Variants in SLC39A5 observed in about 807,000 individuals in gnomAD.
SLC39A5 encodes the protein solute carrier family 39 member 5, also known as zinc transporter ZIP5.
Under a neutral mutation model 46.9 loss-of-function variants are expected in SLC39A5, and 42 were observed. The ratio of observed to expected loss-of-function variants is 0.90; its 90% CI spans 0.70 to 1.16. The LOEUF (loss-of-function observed/expected upper bound fraction) is 1.16. Among genes scored for constraint, SLC39A5 ranks in the 50% most tolerant of loss-of-function variants. The probability of loss-of-function intolerance (pLI) is 0.00; values close to 1 mark genes in which losing one functional copy is unlikely to be tolerated. For missense variants in SLC39A5, 677 were observed against 686.8 expected, an observed-to-expected ratio of 0.99 and a Z score of 0.16; for synonymous variants, 311 against 323.1, an observed-to-expected ratio of 0.96 and a Z score of 0.40.
At position 56,236,667 on chromosome 12, in the gene SLC39A5, G is replaced by A. The variant is rs1186880143; in HGVS notation, c.1128G>A (p.Gly376=). ...APPGHQGHSH[G]HQGGTDITWM... is the part of the protein sequence containing the mutation. ...CTGGGCACCAAGGCCACAGTCATGG[G>A]CACCAGGGTGGCACTGATATCACGT... The change falls in exon 10 of 13, where the codon GGG becomes GGA. Residue 376 remains glycine (G), a synonymous_variant. Coordinates refer to ENST00000454355, the MANE Select transcript of SLC39A5 (RefSeq NM_173596.3). 2 of 1,613,602 alleles carry A rather than the reference G, an allele frequency of 1.2e-6. No homozygotes were observed. Among genetic ancestry groups the A allele is most frequent in the African/African-American group, 2.7e-5 (2 of 74,938 alleles).
rs1870983483 is a variant in SLC39A5, at chr12:56,237,844, A to G, written c.*113A>G. On this transcript the variant is annotated 3_prime_UTR_variant, in exon 13 of 13. Coordinates refer to ENST00000454355, the MANE Select transcript of SLC39A5 (RefSeq NM_173596.3). ...GATTTTAATAAACAGAACCCATCCC[A>G]AAGCCATGACTACGACAGTTGTACT... 4 of 1,279,468 alleles carry G rather than the reference A, an allele frequency of 3.1e-6. No homozygotes were observed. The East Asian group carries it at 7.9e-5, about 25-fold the overall frequency. The allele number at this position is 1,279,468 out of a possible 1,614,324, so 79.3% of individuals were successfully genotyped here.
chr12:56,233,487 A>T (rs1360775937), intron 5 of SLC39A5, among the ~76,000 whole-genome samples: 3 of 151,854 alleles, frequency 2.0e-5, no homozygotes, highest in South Asian at 2.1e-4. Context: ...ATAAAAAAAA[A>T]ATATCTCACT....
At chr12:56,233,148 A>C (rs904346882) in intron 5 of SLC39A5, among the ~76,000 whole-genome samples, 9 of 151,808 alleles carry the variant, frequency 5.9e-5, no homozygotes, top group Non-Finnish European at 1.5e-5. Context: ...GTGTAATCCT[A>C]GCTACTCAGG....
At chr12:56,236,841 G>C in intron 10 of SLC39A5, 90 bp from the exon 11 acceptor site, 1 of 1,587,618 alleles carries the variant, frequency 6.3e-7, no homozygotes. Context: ...AGGAAGATGG[G>C]GAGAGGACGG....
intron 7 of SLC39A5, 62 bp downstream of exon 7, chr12:56,235,388 G>A: frequency 1.3e-6 from 2 of 1,505,676 alleles, no homozygotes; most frequent in Non-Finnish European, 1.8e-6. Context: ...CCCAGCCATA[G>A]GACATCCCCT....
chr12:56,232,895 G>A, intron 5 of SLC39A5, 23 bp downstream of exon 5: 2 of 1,591,254 alleles, frequency 1.3e-6, no homozygotes, highest in Non-Finnish European at 1.7e-6. Context: ...GTCTCTAGAG[G>A]GGAAGGAGCC....
At chr12:56,231,797 C>T (rs972668650) in intron 4 of SLC39A5, among the ~76,000 whole-genome samples, 1 of 152,190 alleles carries the variant, frequency 6.6e-6, no homozygotes, top group Non-Finnish European at 1.5e-5. Flanking sequence ...ACATTCACGG[C>T]TCACTGCAAC....
Position 56,236,688 on chromosome 12 carries a change from C to A in SLC39A5, c.1149C>A (p.Ile383=), listed in dbSNP as rs761033500. 1.2e-6 allele frequency: 2 copies of A among 1,613,094 alleles called. No homozygotes were observed. The highest frequency in any genetic ancestry group is 2.2e-5 in the South Asian group (2 of 90,990). The change falls in exon 10 of 13, where the codon ATC becomes ATA. Residue 383 remains isoleucine, a synonymous_variant. Transcript: ENST00000454355. ...HSHGHQGGTD[I]TWMVLLGDGL... ...ATGGGCACCAGGGTGGCACTGATAT[C>A]ACGTGGATGGTCCTCCTGGGAGATG...
At chr12:56,234,522 C>T (rs1278525793) in intron 5 of SLC39A5, among the ~76,000 whole-genome samples, 1 of 151,984 alleles carries the variant, frequency 6.6e-6, no homozygotes, top group South Asian at 2.1e-4. Flanking sequence ...ACCATGTTGC[C>T]CAGGCTGGTC....
At chr12:56,232,654 C>A (rs375178502) in intron 4 of SLC39A5, 35 bp from the exon 5 acceptor site, 1 of 1,563,876 alleles carries the variant, frequency 6.4e-7, no homozygotes, top group South Asian at 1.2e-5. Flanking sequence ...ATAGAGAACA[C>A]AAGGGAGGCT....
Position 56,231,297 on chromosome 12 carries a change from A to G in SLC39A5, c.23A>G (p.His8Arg), listed in dbSNP as rs145025351. The G allele has an allele frequency of 4.1e-5, 66 of 1,610,296 alleles. No homozygotes were observed. In the African/African-American group the frequency reaches 8.3e-4, roughly 20 times the overall value. MMGSPVSHLLAGFCVWVV... is the reference protein window; with the variant it reads MMGSPVSRLLAGFCVWVV... ...CCAATGATGGGGTCCCCAGTGAGTCATCTGCTGGCCGGCTTCTGTGTGTGG... is the reference window on the plus strand; with the variant it reads ...CCAATGATGGGGTCCCCAGTGAGTCGTCTGCTGGCCGGCTTCTGTGTGTGG... Residue 8 changes from histidine to arginine, a missense_variant, in exon 4 of 13, where the codon CAT (histidine) becomes CGT (arginine). Coordinates refer to ENST00000454355, the MANE Select transcript of SLC39A5 (RefSeq NM_173596.3).
intron 4 of SLC39A5, 91 bp downstream of exon 4, chr12:56,231,652 G>A: frequency 7.4e-7 from 1 of 1,359,820 alleles, no homozygotes; most frequent in South Asian, 1.6e-5. Flanking sequence ...TTCCTCACGA[G>A]ATCCCTGGAG....
At chr12:56,233,594 G>A (rs1011460803) in intron 5 of SLC39A5, among the ~76,000 whole-genome samples, 9 of 152,202 alleles carry the variant, frequency 5.9e-5, no homozygotes, top group Admixed American at 5.9e-4. Context: ...CAGTTTAGGG[G>A]AATAGATGGC....
In SLC39A5 at chr12:56,237,735, G is replaced by A. The variant is rs1870973092; in HGVS notation, c.*4G>A. On this transcript the variant is annotated 3_prime_UTR_variant, in exon 13 of 13. Coordinates refer to ENST00000454355, the MANE Select transcript of SLC39A5 (RefSeq NM_173596.3). Reference sequence around the variant, plus strand: ...GCCCGTGACCACTGAGGGCTGATGGGGCCAGTGGAAAGGGGTCGGGTTGCC... The same window carrying A: ...GCCCGTGACCACTGAGGGCTGATGGAGCCAGTGGAAAGGGGTCGGGTTGCC... The A allele has an allele frequency of 6.5e-7, 1 of 1,535,790 alleles. No homozygotes were observed. Among genetic ancestry groups the A allele is most frequent in the African/African-American group, 1.4e-5 (1 of 72,048 alleles).
chr12:56,235,573 G>T lies in SLC39A5; in HGVS notation c.818G>T (p.Arg273Leu). Reference protein sequence around the residue: ...LHLLPHAQEGRHAGPGGLPEK... With the variant: ...LHLLPHAQEGLHAGPGGLPEK... ...TCTCTCTGTCAGGCACAAGAAGGGC[G>T]GCACGCAGGACCTGGCGGACTACCA... Residue 273 changes from arginine (R) to leucine (L), a missense_variant, in exon 8 of 13, where the codon CGG becomes CTG. By Grantham distance (102) the Arg-to-Leu change is moderately radical (BLOSUM62 -2). Coordinates refer to ENST00000454355, the MANE Select transcript of SLC39A5 (RefSeq NM_173596.3). The T allele has an allele frequency of 6.2e-7, 1 of 1,613,950 alleles. No homozygotes were observed. Among genetic ancestry groups the T allele is most frequent in the Non-Finnish European group, 8.5e-7 (1 of 1,179,974 alleles).
At chr12:56,230,519 G>A (rs1184624959) in intron 2 of SLC39A5, 1 of 152,188 alleles carries the variant, frequency 6.6e-6, no homozygotes, top group Non-Finnish European at 1.5e-5. Context: ...GTTAAGGATA[G>A]GGTGAATTAT....
chr12:56,237,311 G>A lies in SLC39A5; in HGVS notation c.1450G>A (p.Val484Ile). The A allele has an allele frequency of 6.2e-7, 1 of 1,607,678 alleles. No homozygotes were observed. The highest frequency in any genetic ancestry group is 8.5e-7 in the Non-Finnish European group (1 of 1,176,686). Residue 484 changes from valine (V) to isoleucine (I), a missense_variant, in exon 12 of 13, where the codon GTC becomes ATC. Physicochemically the swap from Val to Ile is conservative, Grantham distance 29. Transcript: ENST00000454355. Reference sequence around the variant, plus strand: ...CTGGGTGTTTGGGGTCACTGCTGGGGTCTTCCTCTATGTGGCCCTTGTGGA... The same window carrying A: ...CTGGGTGTTTGGGGTCACTGCTGGGATCTTCCTCTATGTGGCCCTTGTGGA... ...TPWVFGVTAG[V>I]FLYVALVDML... is the part of the protein sequence containing the mutation.
In SLC39A5 at chr12:56,237,169, C is replaced by G. The variant is rs1870882246; in HGVS notation, c.1308C>G (p.Leu436=). 6.2e-7 allele frequency: 1 copy of G among 1,613,858 alleles called. No homozygotes were observed. The highest frequency in any genetic ancestry group is 8.5e-7 in the Non-Finnish European group (1 of 1,180,014). The change falls in exon 12 of 13, where the codon CTC becomes CTG. Residue 436 remains leucine (L), a synonymous_variant. Coordinates refer to ENST00000454355, the MANE Select transcript of SLC39A5 (RefSeq NM_173596.3). ...PHELGDFAML[L]QSGLSFRRLL... ...CAATAGGTGACTTTGCCATGCTGCT[C>G]CAGTCAGGGCTGTCCTTTCGGCGGC...
intron 4 of SLC39A5, 150 bp from the exon 5 acceptor site, chr12:56,232,539 C>T: frequency 1.4e-6 from 1 of 692,534 alleles, no homozygotes; most frequent in South Asian, 2.3e-5. Context: ...ACTCACAGAT[C>T]TTCCTAAGAA....
Sources: allele counts gnomAD v4.1 joint callset (sites outside exome capture counted in the v4.1 genomes callset), GRCh38; gene constraint gnomAD v4.1.1; transcripts MANE v1.5; gene names NCBI Gene and HGNC (gene_info 2026-07-23, HGNC 2026-07-21).